CELF4: variants seen among roughly 807,000 people sequenced by gnomAD.
CELF4 encodes the protein CUGBP Elav-like family member 4.
A neutral mutation model predicts 59.9 loss-of-function variants in CELF4; 18 were observed. The ratio of observed to expected loss-of-function variants is 0.30; its 90% CI spans 0.21 to 0.45. The LOEUF (loss-of-function observed/expected upper bound fraction) is 0.45, where lower values mean the gene tolerates loss of function less well. Among genes scored for constraint, CELF4 ranks in the 20% least tolerant of loss-of-function variants. The probability of loss-of-function intolerance (pLI) is 1.00; values close to 1 mark genes in which losing one functional copy is unlikely to be tolerated. For missense variants in CELF4, 456 were observed against 689.0 expected (o/e 0.66, Z 3.79); for synonymous variants, 261 against 267.1 (o/e 0.98, Z 0.22).
In CELF4 at chr18:37,503,017, A is replaced by G. The variant is rs113938823; in HGVS notation, c.287-17410T>C. 3.9e-3 allele frequency among the ~76,000 whole-genome samples: 587 copies of G among 152,300 alleles called. 2 individuals are homozygous for G. Among genetic ancestry groups the G allele is most frequent in the African/African-American group, 0.013 (558 of 41,564 alleles). On this transcript the variant is annotated intron_variant, in intron 1 of 12. Transcript: ENST00000420428. Reference sequence around the variant, plus strand: ...TACCAGGTCGGGTGGGTGCATCATCACACATCTGTGAGCAGATGACATTTC... The same window carrying G: ...TACCAGGTCGGGTGGGTGCATCATCGCACATCTGTGAGCAGATGACATTTC...
intron 2 of CELF4, among the ~76,000 whole-genome samples, chr18:37,418,720 C>A (rs1468853839): frequency 6.6e-6 from 1 of 152,224 alleles, no homozygotes; most frequent in African/African-American, 2.4e-5. Context: ...TCAAAAAATA[C>A]TGTAAAGCAC....
At chr18:37,551,074 G>C (rs1366393572) in intron 1 of CELF4, among the ~76,000 whole-genome samples, 1 of 152,240 alleles carries the variant, frequency 6.6e-6, no homozygotes, top group Admixed American at 6.5e-5. Flanking sequence ...GACTTGGGGT[G>C]GGGAGTGTAG....
chr18:37,249,896 A>T (rs2064386486), intron 12 of CELF4, among the ~76,000 whole-genome samples: 1 of 152,228 alleles, frequency 6.6e-6, no homozygotes, highest in African/African-American at 2.4e-5. Context: ...TCAGACCCAA[A>T]GCACCTGTGC....
chr18:37,544,065 G>T (rs1441390331), intron 1 of CELF4, among the ~76,000 whole-genome samples: 1 of 152,178 alleles, frequency 6.6e-6, no homozygotes, highest in Non-Finnish European at 1.5e-5. Flanking sequence ...GTGCAGAGAT[G>T]CAACTTACCT....
chr18:37,563,154 A>G (rs2099987086), intron 1 of CELF4, among the ~76,000 whole-genome samples: 1 of 151,726 alleles, frequency 6.6e-6, no homozygotes, highest in Non-Finnish European at 1.5e-5. Flanking sequence ...GCAAATGATG[A>G]AAATTCTACT....
chr18:37,266,942 G>A (rs1377004147), intron 8 of CELF4, among the ~76,000 whole-genome samples: 2 of 152,036 alleles, frequency 1.3e-5, no homozygotes, highest in Admixed American at 6.5e-5. Flanking sequence ...GGTGGTGGGG[G>A]GGGACACACA....
At chr18:37,540,553 G>A (rs1049584749) in intron 1 of CELF4, among the ~76,000 whole-genome samples, 2 of 152,180 alleles carry the variant, frequency 1.3e-5, no homozygotes, top group Non-Finnish European at 1.5e-5. Flanking sequence ...GACACAGATC[G>A]TGGGGCAAGC....
chr18:37,285,119 C>A (rs1358565028), intron 3 of CELF4, among the ~76,000 whole-genome samples: 1 of 152,196 alleles, frequency 6.6e-6, no homozygotes, highest in African/African-American at 2.4e-5. Context: ...CACCCATAGC[C>A]TGCTGCTAGC....
At chr18:37,342,733 G>T (rs893281331) in intron 2 of CELF4, among the ~76,000 whole-genome samples, 5 of 152,186 alleles carry the variant, frequency 3.3e-5, no homozygotes, top group African/African-American at 1.2e-4. Context: ...AAAGAATGGG[G>T]GAAATAATAA....
At chr18:37,325,935 C>T (rs1339670003) in intron 2 of CELF4, among the ~76,000 whole-genome samples, 2 of 152,202 alleles carry the variant, frequency 1.3e-5, no homozygotes, top group Non-Finnish European at 2.9e-5. Flanking sequence ...TCTTAATTCT[C>T]AGCAGAAATA....
At chr18:37,297,439 AGAGCCCTTGACAAGGTGCGG>A (rs1415426560) in intron 3 of CELF4, among the ~76,000 whole-genome samples, 1 of 152,240 alleles carries the variant, frequency 6.6e-6, no homozygotes, top group Non-Finnish European at 1.5e-5. Flanking sequence ...CAGCTGGCTC[AGAGCCCTTGACAAGGTGCGG>A]GACCACTGTC....
chr18:37,533,446 TG>T (rs2099971086), intron 1 of CELF4, among the ~76,000 whole-genome samples: 1 of 152,006 alleles, frequency 6.6e-6, no homozygotes, highest in African/African-American at 2.4e-5. Context: ...GTGATTTGAG[TG>T]GGGGCCCTTC....
rs1040036343 is a variant in CELF4 at position 37,432,797 on chromosome 18, C to A, written c.369+52728G>T. Among the ~76,000 whole-genome samples, 4 of 152,150 alleles carry A rather than the reference C, an allele frequency of 2.6e-5. No homozygotes were observed. In the South Asian group the frequency reaches 8.3e-4, roughly 32 times the overall value. On this transcript the variant is annotated intron_variant, in intron 2 of 12. Transcript: ENST00000420428. ...GTGCCTCACATTTACTGTTTTCTAC[C>A]CTCCTCAACATTCTCCTCTTTCAGG... is the stretch of plus-strand genomic sequence containing the variant.
chr18:37,419,074 T>C (rs1345681983), intron 2 of CELF4, among the ~76,000 whole-genome samples: 1 of 152,198 alleles, frequency 6.6e-6, no homozygotes, highest in Non-Finnish European at 1.5e-5. Context: ...AACTCATAGA[T>C]ACAGGATCCC....
intron 1 of CELF4, among the ~76,000 whole-genome samples, chr18:37,497,057 C>T (rs1199951911): frequency 1.3e-5 from 2 of 152,094 alleles, no homozygotes; most frequent in East Asian, 3.9e-4. Context: ...AAGGAGTGCC[C>T]AAGGTGGGTG....
chr18:37,470,836 C>CTGTGTGTGTGTGTGTG (rs71381583), intron 2 of CELF4, among the ~76,000 whole-genome samples: 15 of 93,132 alleles, frequency 1.6e-4, no homozygotes, highest in Admixed American at 8.8e-4. Context: ...CTTCATGACT[C>CTGTGTGTGTGTGTGTG]TGTGTGTGTG....
In CELF4 at chr18:37,362,391, C is replaced by T. The variant is rs117959978; in HGVS notation, c.370-40510G>A. Among the ~76,000 whole-genome samples, 529 of 152,324 alleles carry T rather than the reference C, an allele frequency of 3.5e-3. 14 individuals carry two copies. The East Asian group carries it at 0.036, about 10-fold the overall frequency. Reference sequence around the variant, plus strand: ...GGTCAAGGCCAAGCCTGGGAGGCAGCCCCATCTCTTCTGGGATTGGCGATT... The same window carrying T: ...GGTCAAGGCCAAGCCTGGGAGGCAGTCCCATCTCTTCTGGGATTGGCGATT... On this transcript the variant is annotated intron_variant, in intron 2 of 12. Transcript: ENST00000420428.
rs185966319 is a variant in CELF4 at position 37,333,639 on chromosome 18, C to T, written c.370-11758G>A. Among the ~76,000 whole-genome samples the T allele has an allele frequency of 2.6e-3, 397 of 152,018 alleles. 3 individuals carry two copies. The highest frequency in any genetic ancestry group is 0.02 in the Middle Eastern group (6 of 294). ...TTCTCATGGCTCCATTCTGCCCGTG[C>T]TGCCTCTCCTCCACCCTGCCCCAGC... On this transcript the variant is annotated intron_variant, in intron 2 of 12. Transcript: ENST00000420428.
intron 2 of CELF4, among the ~76,000 whole-genome samples, chr18:37,376,585 C>A (rs74762970): frequency 0.019 from 2,896 of 152,320 alleles, 92 homozygotes; most frequent in African/African-American, 0.066. Flanking sequence ...CCCAGGAAGG[C>A]CCCCCTCCAT....
Sources: gnomAD v4.1 joint callset for allele counts (sites outside exome capture counted in the v4.1 genomes callset) on GRCh38, gnomAD v4.1.1 for gene constraint, MANE v1.5 for transcripts, NCBI Gene and HGNC (gene_info 2026-07-23, HGNC 2026-07-21) for gene names.